GRIN2A: variants seen among roughly 807,000 people sequenced by gnomAD.
GRIN2A encodes the protein glutamate receptor ionotropic, NMDA 2A.
Under a neutral mutation model 113.4 loss-of-function variants are expected in GRIN2A, and 22 were observed. That is an observed-to-expected ratio of 0.19 (90% CI 0.14 to 0.28). The LOEUF (loss-of-function observed/expected upper bound fraction) is 0.28. Among genes scored for constraint, GRIN2A ranks in the 10% least tolerant of loss-of-function variants. The pLI is 1.00. For missense variants in GRIN2A, 1,502 were observed against 1,887.0 expected, an observed-to-expected ratio of 0.80 and a Z score of 3.78; for synonymous variants, 827 against 738.4, an observed-to-expected ratio of 1.12 and a Z score of -1.94.
At chr16:9,882,958 T>C (rs536921040) in intron 4 of GRIN2A, among the ~76,000 whole-genome samples, 107 of 152,212 alleles carry the variant, frequency 7.0e-4, no homozygotes, top group African/African-American at 2.4e-3. Context: ...AATACCTCCT[T>C]CCCGCTGCCA....
intron 2 of GRIN2A, among the ~76,000 whole-genome samples, chr16:10,001,070 C>G (rs544064068): frequency 6.6e-6 from 1 of 152,292 alleles, no homozygotes; most frequent in East Asian, 1.9e-4. Flanking sequence ...ATACTGAGGT[C>G]AGCCTACCTT....
chr16:10,106,844 C>T (rs7203520), intron 2 of GRIN2A, among the ~76,000 whole-genome samples: 54,248 of 152,016 alleles, frequency 0.36, 9,914 homozygotes, highest in East Asian at 0.45. Context: ...AGAAGGAAGG[C>T]AGGGAAGCTG....
chr16:10,103,667 G>A (rs749811827), intron 2 of GRIN2A, among the ~76,000 whole-genome samples: 3 of 152,094 alleles, frequency 2.0e-5, no homozygotes, highest in Non-Finnish European at 2.9e-5. Flanking sequence ...TATGTATGCC[G>A]GAATCCCTGC....
intron 3 of GRIN2A, among the ~76,000 whole-genome samples, chr16:9,917,599 T>C (rs894291441): frequency 4.6e-5 from 7 of 152,240 alleles, no homozygotes; most frequent in African/African-American, 1.7e-4. Context: ...GCACTTTAAC[T>C]TTTTTGAAAT....
intron 2 of GRIN2A, among the ~76,000 whole-genome samples, chr16:10,175,579 G>A (rs150994129): frequency 5.2e-4 from 79 of 152,282 alleles, no homozygotes; most frequent in African/African-American, 1.7e-3. Flanking sequence ...ATTTTTATAT[G>A]TCTGCGGAGG....
At chr16:10,098,724 G>T (rs1483304899) in intron 2 of GRIN2A, among the ~76,000 whole-genome samples, 4 of 152,140 alleles carry the variant, frequency 2.6e-5, no homozygotes, top group African/African-American at 9.7e-5. Flanking sequence ...ACCAAACATT[G>T]TATGTTCTCA....
At chr16:9,996,767 T>A (rs199771034) in intron 2 of GRIN2A, among the ~76,000 whole-genome samples, 1 of 152,118 alleles carries the variant, frequency 6.6e-6, no homozygotes, top group Non-Finnish European at 1.5e-5. Context: ...GACTAATCAC[T>A]CATCAAAAAT....
At chr16:10,178,812 A>G (rs1003557285) in intron 2 of GRIN2A, among the ~76,000 whole-genome samples, 2 of 152,230 alleles carry the variant, frequency 1.3e-5, no homozygotes, top group Non-Finnish European at 2.9e-5. Context: ...CATCAAAAGG[A>G]AAGCGCTACA....
At position 9,763,418 on chromosome 16, in the gene GRIN2A, G is replaced by A. The variant is rs1426934537; in HGVS notation, c.4126C>T (p.Arg1376Cys). ...GAGGGGCATCTCCCAATAACCAAGC[G>A]TTGGTCATCCCTGTGGGAGTGGAGG... The part of the protein sequence containing the change: ...PFLHSHRDDQ[R>C]LVIGRCPSDP... The change falls in exon 13 of 13, where the codon CGC (arginine) becomes TGC (cysteine). Residue 1376 changes from arginine to cysteine, a missense_variant. By Grantham distance (180) the Arg-to-Cys change is radical (BLOSUM62 -3). This residue lies in a region of GRIN2A where 832 missense variants were observed against 789.7 expected (regional missense o/e 1.05). Transcript: ENST00000330684. The A allele has an allele frequency of 6.8e-6, 11 of 1,614,084 alleles. No homozygotes were observed. Among genetic ancestry groups the A allele is most frequent in the Admixed American group, 3.3e-5 (2 of 60,024 alleles).
chr16:10,015,983 G>T (rs889149056), intron 2 of GRIN2A, among the ~76,000 whole-genome samples: 2 of 152,050 alleles, frequency 1.3e-5, no homozygotes, highest in South Asian at 4.2e-4. Context: ...GGGTGTGATG[G>T]CAAGTGCCTG....
chr16:9,994,675 C>T (rs1249574713), intron 2 of GRIN2A, among the ~76,000 whole-genome samples: 1 of 152,100 alleles, frequency 6.6e-6, no homozygotes, highest in Non-Finnish European at 1.5e-5. Flanking sequence ...AAATGGAAAC[C>T]ACCAGGCATA....
chr16:10,031,258 G>C (rs1478207152), intron 2 of GRIN2A: 1 of 152,198 alleles, frequency 6.6e-6, no homozygotes, highest in Non-Finnish European at 1.5e-5. Context: ...CCCTGAGCCT[G>C]TTCCCACCTC....
chr16:9,955,344 G>T lies in GRIN2A; in HGVS notation c.415-16793C>A, dbSNP rs149134719. ...TGTCTTGTTCCAGGTTCCTTGAACT[G>T]TTCTTACCTTCTCTGTCCAACTCCT... On this transcript the variant is annotated intron_variant, in intron 2 of 12. Coordinates refer to ENST00000330684, the MANE Select transcript of GRIN2A (RefSeq NM_001134407.3). Among the ~76,000 whole-genome samples, 3 of 152,256 alleles carry T rather than the reference G, an allele frequency of 2.0e-5. No individual in the cohort carries two copies. The South Asian group carries it at 6.2e-4, about 32-fold the overall frequency.
At chr16:10,119,931 A>T (rs11640425) in intron 2 of GRIN2A, among the ~76,000 whole-genome samples, 8 of 152,086 alleles carry the variant, frequency 5.3e-5, no homozygotes, top group Non-Finnish European at 1.2e-4. Context: ...TTTTATGGCT[A>T]TGTAGTACTC....
chr16:9,936,155 C>A (rs1004543553), intron 3 of GRIN2A, among the ~76,000 whole-genome samples: 1 of 152,170 alleles, frequency 6.6e-6, no homozygotes, highest in Non-Finnish European at 1.5e-5. Context: ...CAAAGCACAG[C>A]CCCTAGACCA....
chr16:9,860,875 T>C (rs554703367), intron 4 of GRIN2A, among the ~76,000 whole-genome samples: 8 of 152,192 alleles, frequency 5.3e-5, no homozygotes, highest in African/African-American at 2.4e-5. Flanking sequence ...CGATATAGTA[T>C]AGTGCTCACC....
intron 2 of GRIN2A, among the ~76,000 whole-genome samples, chr16:10,126,671 G>GT (rs1367315066): frequency 6.6e-6 from 1 of 152,024 alleles, no homozygotes; most frequent in African/African-American, 2.4e-5. Flanking sequence ...TATCACCAAC[G>GT]TTTTTCCCTA....
chr16:9,803,656 G>C (rs1180912718), intron 10 of GRIN2A, among the ~76,000 whole-genome samples: 1 of 151,970 alleles, frequency 6.6e-6, no homozygotes, highest in African/African-American at 2.4e-5. Flanking sequence ...ATATTTTTTG[G>C]TCCTTCTCCT....
chr16:10,046,701 T>C (rs1274333089), intron 2 of GRIN2A, among the ~76,000 whole-genome samples: 1 of 152,136 alleles, frequency 6.6e-6, no homozygotes, highest in Non-Finnish European at 1.5e-5. Flanking sequence ...GATAACACCA[T>C]AAATTCTGCA....
Sources: gnomAD v4.1 joint callset for allele counts (sites outside exome capture counted in the v4.1 genomes callset) on GRCh38, gnomAD v4.1.1 for gene constraint, gnomAD v4.1.1 regional missense constraint, MANE v1.5 for transcripts, NCBI Gene and HGNC (gene_info 2026-07-23, HGNC 2026-07-21) for gene names.